The following LPP variants were observed in gnomAD, a reference collection of about 807,000 sequenced individuals.
LPP encodes lipoma-preferred partner.
A neutral mutation model predicts 60.4 loss-of-function variants in LPP; 38 were observed. The observed-to-expected ratio is 0.63, with a 90% CI of 0.49 to 0.83. LPP has a LOEUF of 0.83. Among genes scored for constraint, LPP ranks in the 40% least tolerant of loss-of-function variants. The pLI is 0.00. For synonymous variants in LPP, 328 were observed against 290.8 expected (o/e 1.13, Z -1.30); for missense variants, 902 against 783.6 (o/e 1.15, Z -1.80).
At chr3:188,381,653 T>C (rs1405833802) in intron 3 of LPP, among the ~76,000 whole-genome samples, 1 of 152,156 alleles carries the variant, frequency 6.6e-6, no homozygotes, top group Admixed American at 6.5e-5. Context: ...GAAGGAAGCT[T>C]CACTTTTATA....
At chr3:188,590,407 T>C (rs1050885953) in intron 6 of LPP, among the ~76,000 whole-genome samples, 3 of 152,000 alleles carry the variant, frequency 2.0e-5, no homozygotes, top group Non-Finnish European at 2.9e-5. Context: ...ACCCTGCCTC[T>C]ACTAAAAAAT....
intron 1 of LPP, among the ~76,000 whole-genome samples, chr3:188,186,383 G>C (rs569912402): frequency 2.6e-5 from 4 of 152,306 alleles, no homozygotes; most frequent in African/African-American, 9.6e-5. Flanking sequence ...GAGTTAAAGA[G>C]CTTGGGTAGA....
intron 7 of LPP, among the ~76,000 whole-genome samples, chr3:188,704,530 C>A (rs1204534434): frequency 1.3e-5 from 2 of 152,100 alleles, no homozygotes; most frequent in Non-Finnish European, 2.9e-5. Flanking sequence ...TCTCTGGCCA[C>A]CAGTATATTA....
intron 7 of LPP, among the ~76,000 whole-genome samples, chr3:188,650,133 A>G (rs557478646): frequency 6.6e-6 from 1 of 152,216 alleles, no homozygotes; most frequent in African/African-American, 2.4e-5. Context: ...TATGCCCTCT[A>G]TATGGCAAGC....
At chr3:188,207,939 C>T (rs10513825) in intron 1 of LPP, among the ~76,000 whole-genome samples, 1,989 of 152,264 alleles carry the variant, frequency 0.013, 124 homozygotes, top group Admixed American at 0.11. Flanking sequence ...GATTTGTGAG[C>T]TCCTTGAAGT....
intron 9 of LPP, among the ~76,000 whole-genome samples, chr3:188,841,156 T>G (rs1229651844): frequency 6.6e-6 from 1 of 152,134 alleles, no homozygotes; most frequent in African/African-American, 2.4e-5. Flanking sequence ...TTGTGAAGTC[T>G]TTTCATCAGC....
chr3:188,687,775 C>CTTTTTTTTTTTTTTTTTTTTTTTTTT (rs61574227), intron 7 of LPP, among the ~76,000 whole-genome samples: 1 of 127,122 alleles, frequency 7.9e-6, no homozygotes, highest in African/African-American at 3.0e-5. Context: ...GTCTTATACT[C>CTTTTTTTTTTTTTTTTTTTTTTTTTT]TTTTTTTTTT....
rs1794627267 is a variant in LPP, at chr3:188,443,884, C to T, written c.193+37571C>T. ...CATCCCTTAGCTTTCCTCCAGGGAA[C>T]AAAAGGAAATGGTACACACTAGCTC... On this transcript the variant is annotated intron_variant, in intron 4 of 11. Transcript: ENST00000617246. Among the ~76,000 whole-genome samples the T allele has an allele frequency of 2.6e-5, 4 of 152,256 alleles. No homozygotes were observed. The South Asian group carries it at 8.3e-4, about 32-fold the overall frequency.
At chr3:188,303,905 A>G (rs1221578882) in intron 2 of LPP, among the ~76,000 whole-genome samples, 1 of 152,188 alleles carries the variant, frequency 6.6e-6, no homozygotes, top group Non-Finnish European at 1.5e-5. Context: ...TAAAGTTCTC[A>G]CTTTTCTTAG....
chr3:188,343,517 G>C (rs1344409644), intron 3 of LPP, among the ~76,000 whole-genome samples: 1 of 152,146 alleles, frequency 6.6e-6, no homozygotes. Context: ...TGTTCATTTA[G>C]AAACTGCAGT....
At chr3:188,623,998 C>A (rs1846305627) in intron 7 of LPP, among the ~76,000 whole-genome samples, 1 of 152,150 alleles carries the variant, frequency 6.6e-6, no homozygotes, top group Admixed American at 6.5e-5. Flanking sequence ...AGCAGAATAT[C>A]AAAAATTTTA....
intron 6 of LPP, chr3:188,562,539 A>G (rs1297789126): frequency 6.6e-6 from 1 of 152,032 alleles, no homozygotes; most frequent in African/African-American, 2.4e-5. Context: ...GCAATGAAAG[A>G]ATTGACAGCC....
chr3:188,283,721 T>G (rs1444458360), intron 2 of LPP, among the ~76,000 whole-genome samples: 2 of 152,138 alleles, frequency 1.3e-5, no homozygotes, highest in Non-Finnish European at 2.9e-5. Flanking sequence ...GCCTTAGTTT[T>G]CAGATCTATA....
chr3:188,846,056 A>G (rs1319468412), intron 9 of LPP, among the ~76,000 whole-genome samples: 1 of 152,192 alleles, frequency 6.6e-6, no homozygotes, highest in African/African-American at 2.4e-5. Context: ...TAGTCAATGA[A>G]CACTTATTGC....
At chr3:188,331,929 A>T (rs1760194357) in intron 2 of LPP, among the ~76,000 whole-genome samples, 1 of 152,226 alleles carries the variant, frequency 6.6e-6, no homozygotes, top group Non-Finnish European at 1.5e-5. Flanking sequence ...TTAAAGATAT[A>T]AAATGCTTAG....
intron 3 of LPP, among the ~76,000 whole-genome samples, chr3:188,377,692 T>C (rs1775569384): frequency 6.6e-6 from 1 of 152,236 alleles, no homozygotes; most frequent in Admixed American, 6.5e-5. Context: ...ATCTGAAGCC[T>C]TCTTCTCTCA....
At chr3:188,316,283 A>C (rs1755046500) in intron 2 of LPP, among the ~76,000 whole-genome samples, 1 of 152,118 alleles carries the variant, frequency 6.6e-6, no homozygotes, top group African/African-American at 2.4e-5. Context: ...TGTCTCAAAA[A>C]AACAAAACAA....
chr3:188,159,788 G>C (rs1213521141), intron 1 of LPP, among the ~76,000 whole-genome samples: 1 of 152,134 alleles, frequency 6.6e-6, no homozygotes, highest in Non-Finnish European at 1.5e-5. Context: ...AGGGTTGTGA[G>C]ATTAACTATG....
chr3:188,672,499 T>C (rs1326968291), intron 7 of LPP, among the ~76,000 whole-genome samples: 1 of 152,190 alleles, frequency 6.6e-6, no homozygotes, highest in Non-Finnish European at 1.5e-5. Context: ...AAAAATGCTA[T>C]TTATCTTTAC....
Sources: gnomAD v4.1 joint callset for allele counts (sites outside exome capture counted in the v4.1 genomes callset) on GRCh38, gnomAD v4.1.1 for gene constraint, MANE v1.5 for transcripts, NCBI Gene and HGNC (gene_info 2026-07-23, HGNC 2026-07-21) for gene names.